RIMS2: variants seen among roughly 807,000 people sequenced by gnomAD.
The protein encoded by RIMS2 is regulating synaptic membrane exocytosis 2, also known as regulating synaptic membrane exocytosis protein 2.
Under a neutral mutation model 174.4 loss-of-function variants are expected in RIMS2, and 59 were observed. That is an observed-to-expected ratio of 0.34 (90% CI 0.27 to 0.42). The LOEUF (loss-of-function observed/expected upper bound fraction) is 0.42. Among genes scored for constraint, RIMS2 ranks in the 10% least tolerant of loss-of-function variants. RIMS2 has a pLI of 1.00. For synonymous variants in RIMS2, 606 were observed against 572.5 expected (o/e 1.06, Z -0.84); for missense variants, 1,620 against 1,666.3 (o/e 0.97, Z 0.48).
intron 19 of RIMS2, among the ~76,000 whole-genome samples, chr8:104,214,162 C>T (rs2099119007): frequency 6.6e-6 from 1 of 152,082 alleles, no homozygotes; most frequent in African/African-American, 2.4e-5. Context: ...ACAGCATTTT[C>T]CCTTAATTAG....
chr8:103,503,295 A>AT (rs60820952), intron 1 of RIMS2, among the ~76,000 whole-genome samples: 1 of 150,898 alleles, frequency 6.6e-6, no homozygotes. Context: ...AATGTTCTTA[A>AT]TTTTTTTTTA....
rs143896807 is a variant in RIMS2 at position 103,903,608 on chromosome 8, T to C, written c.1625-6526T>C. Among the ~76,000 whole-genome samples the C allele has an allele frequency of 4.0e-4, 61 of 152,246 alleles. No individual in the cohort carries two copies. In the East Asian group the frequency reaches 0.011, roughly 27 times the overall value. Reference sequence around the variant, plus strand: ...GGGAAATTTTAGTCAAAGGTTCAAATTTTTAGATTATTTTTTGTCAGGTCC... The same window carrying C: ...GGGAAATTTTAGTCAAAGGTTCAAACTTTTAGATTATTTTTTGTCAGGTCC... On this transcript the variant is annotated intron_variant, in intron 4 of 23. Coordinates refer to ENST00000504942, the Ensembl canonical transcript of RIMS2.
chr8:103,843,686 A>G (rs2098953197), intron 3 of RIMS2, among the ~76,000 whole-genome samples: 1 of 152,218 alleles, frequency 6.6e-6, no homozygotes, highest in African/African-American at 2.4e-5. Flanking sequence ...ATAATACTTT[A>G]TCATAACTAT....
At chr8:103,652,339 A>T (rs1410526622) in intron 1 of RIMS2, 102 bp downstream of exon 2, 1 of 632,070 alleles carries the variant, frequency 1.6e-6, no homozygotes, top group Non-Finnish European at 2.6e-6. Flanking sequence ...GGCTGCAGCT[A>T]GTGTGTCTTC....
In RIMS2 at chr8:103,566,003, G is replaced by C. The variant is rs114656722; in HGVS notation, c.176+64941G>C. On this transcript the variant is annotated intron_variant, in intron 1 of 23. Coordinates refer to ENST00000504942, the Ensembl canonical transcript of RIMS2. ...AATTAAGAGGCAGAATGATCATAAG[G>C]ATTTCTGGGAAGAGAATAAGATTTC... 4.2e-3 allele frequency among the ~76,000 whole-genome samples: 643 copies of C among 152,290 alleles called. 4 individuals are homozygous for C. The highest frequency in any genetic ancestry group is 0.015 in the African/African-American group (612 of 41,554).
chr8:103,500,689 C>A, upstream of RIMS2: 1 of 533,516 alleles, frequency 1.9e-6, no homozygotes, highest in Non-Finnish European at 3.3e-6. Flanking sequence ...GCGCACTCCT[C>A]AGCCCTCCTT....
At chr8:103,716,565 T>G (rs2097370593) in intron 2 of RIMS2, among the ~76,000 whole-genome samples, 3 of 152,036 alleles carry the variant, frequency 2.0e-5, no homozygotes, top group Admixed American at 1.3e-4. Flanking sequence ...TTAAAAAGGC[T>G]TGCCTTTTTA....
At chr8:104,117,551 G>A (rs982103467) in intron 19 of RIMS2, among the ~76,000 whole-genome samples, 20 of 151,902 alleles carry the variant, frequency 1.3e-4, no homozygotes, top group African/African-American at 4.1e-4. Context: ...CTGTTTTCCA[G>A]GCTGGTCTTG....
At chr8:104,039,981 C>A (rs776943732) in intron 19 of RIMS2, among the ~76,000 whole-genome samples, 1 of 151,388 alleles carries the variant, frequency 6.6e-6, no homozygotes, top group Admixed American at 6.6e-5. Flanking sequence ...TATTAAATTT[C>A]CAAATGTCAT....
chr8:103,982,491 C>CAA (rs563538593), intron 16 of RIMS2, among the ~76,000 whole-genome samples: 1,564 of 127,900 alleles, frequency 0.012, 14 homozygotes, highest in Middle Eastern at 0.05. Flanking sequence ...TGCAGAAATC[C>CAA]AAAAAAAAAA....
At chr8:103,889,180 T>G (rs2099226395) in intron 4 of RIMS2, among the ~76,000 whole-genome samples, 1 of 151,804 alleles carries the variant, frequency 6.6e-6, no homozygotes, top group South Asian at 2.1e-4. Flanking sequence ...TCTTTGATAG[T>G]TAACTAATGT....
chr8:103,846,508 ACCT>A (rs1266747517), intron 3 of RIMS2, among the ~76,000 whole-genome samples: 1 of 152,054 alleles, frequency 6.6e-6, no homozygotes, highest in East Asian at 1.9e-4. Flanking sequence ...ACTGAGGGTA[ACCT>A]CCTACATGAG....
At chr8:103,639,343 G>A (rs1196049583) in intron 1 of RIMS2, among the ~76,000 whole-genome samples, 2 of 151,778 alleles carry the variant, frequency 1.3e-5, no homozygotes, top group Admixed American at 6.6e-5. Context: ...AACATTTAAT[G>A]TTTGTGATGC....
intron 13 of RIMS2, 100 bp downstream of exon 15, chr8:103,936,822 A>G (rs970540131): frequency 2.2e-6 from 2 of 899,372 alleles, no homozygotes; most frequent in Admixed American, 2.7e-5. Flanking sequence ...TAGGCCAGGC[A>G]TGGTGGCTCA....
At chr8:103,584,351 A>G (rs895547637) in intron 1 of RIMS2, among the ~76,000 whole-genome samples, 23 of 152,148 alleles carry the variant, frequency 1.5e-4, no homozygotes, top group African/African-American at 4.8e-4. Context: ...GAGTACTTCA[A>G]TCAGAAAGAA....
chr8:103,660,339 C>A (rs1222347464), intron 1 of RIMS2, among the ~76,000 whole-genome samples: 2 of 152,196 alleles, frequency 1.3e-5, no homozygotes, highest in Non-Finnish European at 2.9e-5. Flanking sequence ...TGGATGTGCA[C>A]CCTTTGCTTC....
At chr8:103,580,395 T>A (rs1477056102) in intron 1 of RIMS2, among the ~76,000 whole-genome samples, 2 of 151,722 alleles carry the variant, frequency 1.3e-5, no homozygotes, top group Non-Finnish European at 2.9e-5. Flanking sequence ...TATACTTAGA[T>A]AAAATAGACT....
At position 103,781,253 on chromosome 8, in the gene RIMS2, A is replaced by G. The variant is rs184578637; in HGVS notation, c.698+14716A>G. ...TGGTGGGCAGATTATGGGGAAAGGC[A>G]TCAAATACCTTACAGCTTGCCTGGA... On this transcript the variant is annotated intron_variant, in intron 3 of 23. Coordinates refer to ENST00000504942, the Ensembl canonical transcript of RIMS2. 9.0e-4 allele frequency among the ~76,000 whole-genome samples: 137 copies of G among 152,326 alleles called. 1 individual carries two copies. The highest frequency in any genetic ancestry group is 3.7e-3 in the Admixed American group (57 of 15,296).
chr8:103,782,309 A>C (rs1165685026), intron 3 of RIMS2, among the ~76,000 whole-genome samples: 1 of 152,010 alleles, frequency 6.6e-6, no homozygotes. Context: ...TTACCAGTGC[A>C]TAGTGAGTGT....
Sources: gnomAD v4.1 joint callset for allele counts (sites outside exome capture counted in the v4.1 genomes callset) on GRCh38, gnomAD v4.1.1 for gene constraint, MANE v1.5 for transcripts, NCBI Gene and HGNC (gene_info 2026-07-23, HGNC 2026-07-21) for gene names.